Variants in SYNE1 observed in about 807,000 individuals in gnomAD.
The protein encoded by SYNE1 is nesprin-1.
A neutral mutation model predicts 1,111.0 loss-of-function variants in SYNE1; 616 were observed. The ratio of observed to expected loss-of-function variants is 0.55; its 90% confidence interval spans 0.52 to 0.59. SYNE1 has a LOEUF of 0.59. Among genes scored for constraint, SYNE1 ranks in the 20% least tolerant of loss-of-function variants. The pLI, the probability that SYNE1 is intolerant of heterozygous loss-of-function variation, is 0.00. For missense variants in SYNE1, 10,006 were observed against 10,417.0 expected (o/e 0.96, Z 1.72); for synonymous variants, 3,855 against 3,825.8 (o/e 1.01, Z -0.28).
intron 74 of SYNE1, among the ~76,000 whole-genome samples, chr6:152,340,558 A>C (rs2096512429): frequency 6.6e-6 from 1 of 152,176 alleles, no homozygotes. Context: ...ACAGTGCCAA[A>C]TGTCCCTTGT....
chr6:152,178,255 A>G (rs987233047), intron 129 of SYNE1, among the ~76,000 whole-genome samples: 6 of 152,192 alleles, frequency 3.9e-5, no homozygotes, highest in South Asian at 4.1e-4. Context: ...AAAAAAAGCA[A>G]TGAGAATAGA....
chr6:152,453,525 AC>A, intron 25 of SYNE1, 60 bp downstream of exon 25: 8 of 1,613,152 alleles, frequency 5.0e-6, no homozygotes, highest in South Asian at 1.1e-5. Context: ...TTGGACCTTA[AC>A]ACGCTCAAGC....
chr6:152,495,746 G>C (rs1352172656), intron 11 of SYNE1, among the ~76,000 whole-genome samples: 6 of 152,126 alleles, frequency 3.9e-5, no homozygotes, highest in African/African-American at 1.4e-4. Context: ...AGTTTAGCCT[G>C]TGCGGTCTAA....
intron 3 of SYNE1, among the ~76,000 whole-genome samples, chr6:152,603,718 C>G (rs904283100): frequency 6.7e-6 from 1 of 150,032 alleles, no homozygotes; most frequent in African/African-American, 2.5e-5. Context: ...ATATGTATAT[C>G]TATACATACA....
At chr6:152,124,801 A>T (rs1244201042) in intron 145 of SYNE1, among the ~76,000 whole-genome samples, 3 of 152,246 alleles carry the variant, frequency 2.0e-5, no homozygotes, top group Admixed American at 6.5e-5. Context: ...ACCTGAGCAT[A>T]AAATATTCAT....
chr6:152,283,508 C>T (rs573123406), intron 96 of SYNE1, among the ~76,000 whole-genome samples: 13 of 152,228 alleles, frequency 8.5e-5, no homozygotes, highest in African/African-American at 2.6e-4. Flanking sequence ...GTACTCTATT[C>T]GGGAGACTGT....
chr6:152,572,951 T>C (rs560472374), intron 3 of SYNE1, among the ~76,000 whole-genome samples: 5 of 152,164 alleles, frequency 3.3e-5, no homozygotes, highest in Non-Finnish European at 7.4e-5. Context: ...ATTTTAGGAA[T>C]GTAAACACCT....
intron 126 of SYNE1, among the ~76,000 whole-genome samples, chr6:152,202,370 G>GA (rs2075663273): frequency 2.2e-5 from 1 of 45,578 alleles, no homozygotes. Flanking sequence ...AAAAAAAAAA[G>GA]CAAAAAAAAA....
At chr6:152,536,662 C>A (rs1414199935) in intron 4 of SYNE1, among the ~76,000 whole-genome samples, 3 of 151,250 alleles carry the variant, frequency 2.0e-5, no homozygotes, top group African/African-American at 7.3e-5. Context: ...AGCTTTCCCC[C>A]CAAGCCTCTT....
At chr6:152,357,723 ATCT>A (rs1477543955) in intron 66 of SYNE1, among the ~76,000 whole-genome samples, 1 of 152,206 alleles carries the variant, frequency 6.6e-6, no homozygotes, top group African/African-American at 2.4e-5. Context: ...CAGAAATCAT[ATCT>A]TAATCATCTT....
chr6:152,502,454 C>G (rs2099034656), intron 10 of SYNE1, among the ~76,000 whole-genome samples, 179 bp downstream of exon 10: 1 of 152,210 alleles, frequency 6.6e-6, no homozygotes, highest in South Asian at 2.1e-4. Context: ...ATATATCCAA[C>G]ATACAAACCA....
intron 126 of SYNE1, among the ~76,000 whole-genome samples, chr6:152,202,995 C>T (rs2075821001): frequency 6.6e-6 from 1 of 152,006 alleles, no homozygotes; most frequent in African/African-American, 2.4e-5. Flanking sequence ...AGTAAGTGCT[C>T]TGGAGAGGAA....
intron 131 of SYNE1, among the ~76,000 whole-genome samples, chr6:152,163,218 C>T (rs1377648140): frequency 6.6e-6 from 1 of 152,156 alleles, no homozygotes; most frequent in Non-Finnish European, 1.5e-5. Flanking sequence ...AATGAGGGGG[C>T]CTGGCACAGT....
At position 152,578,593 on chromosome 6, in the gene SYNE1, CA is replaced by C. The variant is rs1201247227; in HGVS notation, c.68-38573del. On this transcript the variant is annotated intron_variant, in intron 3 of 145. Transcript: ENST00000367255. The stretch of plus-strand genomic sequence containing the variant: ...TGGGCAGCAGAGTGAGACTCCATCT[CA>C]AAAAACAAAATAAAAAAACAAAAAT... 2.0e-5 allele frequency among the ~76,000 whole-genome samples: 3 copies of C among 151,728 alleles called. No homozygotes were observed. In the East Asian group the frequency reaches 5.8e-4, roughly 29 times the overall value.
At position 152,326,410 on chromosome 6, in the gene SYNE1, T is replaced by G; in HGVS notation, c.15179A>C (p.Asp5060Ala). Residue 5060 changes from aspartate to alanine, a missense_variant, in exon 79 of 146, where the codon GAC becomes GCC. Asp to Ala is a moderately radical substitution (Grantham distance 126). Transcript: ENST00000367255. Reference protein sequence around the residue: ...EELHSLVATLDPLIKPTGKED... With the variant: ...EELHSLVATLAPLIKPTGKED... Reference sequence around the variant, plus strand: ...TTTGCCGGTTGGCTTGATGAGTGGGTCCAGGGTGGCTACCAGGCTGTGGAG... The same window carrying G: ...TTTGCCGGTTGGCTTGATGAGTGGGGCCAGGGTGGCTACCAGGCTGTGGAG... 1.2e-6 allele frequency: 2 copies of G among 1,614,178 alleles called. No homozygotes were observed. The highest frequency in any genetic ancestry group is 1.7e-6 in the Non-Finnish European group (2 of 1,180,040).
At chr6:152,431,569 A>G (rs903891280) in intron 34 of SYNE1, among the ~76,000 whole-genome samples, 2 of 152,210 alleles carry the variant, frequency 1.3e-5, no homozygotes, top group Non-Finnish European at 2.9e-5. Context: ...GTTTGTATAT[A>G]AGAAGATGAA....
At chr6:152,189,489 G>GA in intron 127 of SYNE1, 82 bp from the exon 128 acceptor site, 1 of 1,401,430 alleles carries the variant, frequency 7.1e-7, no homozygotes, top group Non-Finnish European at 1.0e-6. Flanking sequence ...CCTCTTGATA[G>GA]AATTTCCTTT....
At chr6:152,180,730 G>A (rs1587019743) in intron 128 of SYNE1, among the ~76,000 whole-genome samples, 1 of 151,836 alleles carries the variant, frequency 6.6e-6, no homozygotes, top group East Asian at 1.9e-4. Context: ...AGGGAAGGAA[G>A]AAGAAAAGGA....
At chr6:152,190,979 T>A (rs1290927054) in intron 127 of SYNE1, among the ~76,000 whole-genome samples, 1 of 152,228 alleles carries the variant, frequency 6.6e-6, no homozygotes, top group Non-Finnish European at 1.5e-5. Context: ...AGGGTTTTTA[T>A]CAGGAAAGGT....
Sources: gnomAD v4.1 joint callset for allele counts (sites outside exome capture counted in the v4.1 genomes callset) on GRCh38, gnomAD v4.1.1 for gene constraint, MANE v1.5 for transcripts, NCBI Gene and HGNC (gene_info 2026-07-23, HGNC 2026-07-21) for gene names.